The following ARHGAP6 variants were observed in gnomAD, a reference collection of about 807,000 sequenced individuals.
ARHGAP6 encodes rho GTPase-activating protein 6.
Under a neutral mutation model 55.7 loss-of-function variants are expected in ARHGAP6, and 16 were observed. That is an observed-to-expected ratio of 0.29 (90% CI 0.19 to 0.44). ARHGAP6 has a LOEUF of 0.44. Among genes scored for constraint, ARHGAP6 ranks in the 20% least tolerant of loss-of-function variants. ARHGAP6 has a pLI of 1.00. For missense variants in ARHGAP6, 698 were observed against 808.9 expected (o/e 0.86, Z 1.66); for synonymous variants, 382 against 360.9 (o/e 1.06, Z -0.66).
chrX:11,533,898 T>C (rs2051076790), intron 1 of ARHGAP6, among the ~76,000 whole-genome samples: 1 of 112,245 alleles, frequency 8.9e-6, no homozygotes, highest in South Asian at 3.7e-4. Context: ...AACCAAGTAA[T>C]AGTTTCTAGA....
intron 2 of ARHGAP6, among the ~76,000 whole-genome samples, chrX:11,247,382 T>C (rs1465405160): frequency 8.9e-6 from 1 of 112,549 alleles, no homozygotes; most frequent in Non-Finnish European, 1.9e-5. Flanking sequence ...GTTTACAATA[T>C]AATAAGGTTA....
chrX:11,186,172 C>A, intron 5 of ARHGAP6, 64 bp downstream of exon 5: 1 of 1,035,690 alleles, frequency 9.7e-7, no homozygotes, highest in Non-Finnish European at 1.3e-6. Context: ...ACATTGGGTA[C>A]TTCAGTGAAT....
At chrX:11,616,078 G>C (rs949466011) in intron 1 of ARHGAP6, among the ~76,000 whole-genome samples, 1 of 111,266 alleles carries the variant, frequency 9.0e-6, no homozygotes, top group African/African-American at 3.3e-5. Context: ...CTCATGAATG[G>C]CTTGGTGCTG....
intron 9 of ARHGAP6, among the ~76,000 whole-genome samples, chrX:11,168,718 G>A (rs1437797730): frequency 8.9e-6 from 1 of 111,957 alleles, no homozygotes; most frequent in African/African-American, 3.2e-5. Context: ...CATGAAGAAG[G>A]TTCCTGTAAA....
intron 1 of ARHGAP6, among the ~76,000 whole-genome samples, chrX:11,278,752 A>C (rs2047812211): frequency 8.9e-6 from 1 of 111,960 alleles, no homozygotes; most frequent in African/African-American, 3.2e-5. Context: ...AGTCACAATA[A>C]ACAATAAGAA....
At chrX:11,371,728 C>T (rs2049146009) in intron 1 of ARHGAP6, among the ~76,000 whole-genome samples, 1 of 111,755 alleles carries the variant, frequency 8.9e-6, no homozygotes, top group African/African-American at 3.2e-5. Context: ...AAAAAGATAA[C>T]AAGTAAACAT....
At chrX:11,656,513 A>T (rs2052639330) in intron 1 of ARHGAP6, among the ~76,000 whole-genome samples, 2 of 112,234 alleles carry the variant, frequency 1.8e-5, no homozygotes, top group Non-Finnish European at 3.8e-5. Flanking sequence ...GGTTCTAAGA[A>T]TCCATTTCTT....
intron 1 of ARHGAP6, among the ~76,000 whole-genome samples, chrX:11,336,477 T>C (rs2048639044): frequency 9.0e-6 from 1 of 111,576 alleles, no homozygotes; most frequent in Non-Finnish European, 1.9e-5. Flanking sequence ...ACGCTGGCAC[T>C]CTCTCACCAA....
At chrX:11,166,959 A>ATCC (rs757505247) in intron 9 of ARHGAP6, among the ~76,000 whole-genome samples, 4 of 112,029 alleles carry the variant, frequency 3.6e-5, no homozygotes, top group Non-Finnish European at 7.5e-5. Context: ...GATTACCAGA[A>ATCC]TCCTTCTAAA....
chrX:11,249,995 C>CTCAT (rs2047402647), intron 2 of ARHGAP6, among the ~76,000 whole-genome samples: 3 of 111,606 alleles, frequency 2.7e-5, no homozygotes, highest in Middle Eastern at 4.7e-3. Flanking sequence ...TGATGATTGT[C>CTCAT]TCATTATCTC....
At chrX:11,379,116 C>T (rs2049234807) in intron 1 of ARHGAP6, among the ~76,000 whole-genome samples, 1 of 112,278 alleles carries the variant, frequency 8.9e-6, no homozygotes, top group Admixed American at 9.4e-5. Context: ...CTTAGCTATG[C>T]AGCTCTACGC....
intron 1 of ARHGAP6, chrX:11,296,805 T>C: frequency 8.3e-7 from 1 of 1,208,999 alleles, no homozygotes; most frequent in Non-Finnish European, 1.1e-6. Flanking sequence ...GGCACCCTGG[T>C]TATATCAACT....
At chrX:11,474,980 C>T (rs757550875) in intron 1 of ARHGAP6, among the ~76,000 whole-genome samples, 12 of 111,142 alleles carry the variant, frequency 1.1e-4, no homozygotes, top group African/African-American at 3.6e-4. Context: ...GAAGCCCATA[C>T]CACAAGCCAA....
intron 1 of ARHGAP6, among the ~76,000 whole-genome samples, chrX:11,545,353 T>C (rs1215374109): frequency 8.9e-6 from 1 of 112,590 alleles, no homozygotes; most frequent in African/African-American, 3.2e-5. Context: ...GTACTTTCAA[T>C]AACCTTGAAA....
At chrX:11,571,410 G>C (rs1282979772) in intron 1 of ARHGAP6, among the ~76,000 whole-genome samples, 1 of 110,633 alleles carries the variant, frequency 9.0e-6, no homozygotes, top group Non-Finnish European at 1.9e-5. Context: ...AGAATTCTAA[G>C]GATAGCCTCC....
At chrX:11,573,661 C>T (rs1280990505) in intron 1 of ARHGAP6, among the ~76,000 whole-genome samples, 3 of 110,350 alleles carry the variant, frequency 2.7e-5, no homozygotes, top group South Asian at 3.9e-4. Context: ...ATTGACTTGG[C>T]GATGTGGGCT....
intron 1 of ARHGAP6, chrX:11,335,636 G>A: frequency 3.6e-6 from 1 of 275,438 alleles, no homozygotes; most frequent in South Asian, 4.2e-5. Flanking sequence ...GGACATCTGG[G>A]TTGGTTCCAA....
chrX:11,488,735 G>C (rs1173579241), intron 1 of ARHGAP6, among the ~76,000 whole-genome samples: 2 of 111,198 alleles, frequency 1.8e-5, no homozygotes, highest in Non-Finnish European at 3.8e-5. Flanking sequence ...GTATGCAAGT[G>C]ATCTAGGTTG....
chrX:11,156,534 T>C lies in ARHGAP6; in HGVS notation c.1902A>G (p.Gln634=), dbSNP rs2045865223. 1 of 1,202,550 alleles carries C rather than the reference T, an allele frequency of 8.3e-7. No individual in the cohort carries two copies. Residue 634 remains glutamine (Q), a synonymous_variant, in exon 10 of 13, where the codon CAA becomes CAG. Coordinates refer to ENST00000337414, the MANE Select transcript of ARHGAP6 (RefSeq NM_013427.3). ...TGGAACACTGGAATACTCACGATGA[T>C]TGGGAAGCCTTTCTTCTGAGTAAAT... The part of the protein sequence containing the change: ...VDYLLRRKAS[Q]SSSPDMLQSE...
Sources: allele counts gnomAD v4.1 joint callset (sites outside exome capture counted in the v4.1 genomes callset), GRCh38; gene constraint gnomAD v4.1.1; transcripts MANE v1.5; gene names NCBI Gene and HGNC (gene_info 2026-07-23, HGNC 2026-07-21).